HDAC9: variants seen among roughly 807,000 people sequenced by gnomAD.
HDAC9 encodes the protein histone deacetylase 9.
Under a neutral mutation model 139.4 loss-of-function variants are expected in HDAC9, and 41 were observed. That is an observed-to-expected ratio of 0.29 (90% CI 0.23 to 0.38). The LOEUF is 0.38. HDAC9 is among the 10% of genes least tolerant of loss of function. The probability of loss-of-function intolerance (pLI) is 1.00; values close to 1 mark genes in which losing one functional copy is unlikely to be tolerated. For synonymous variants in HDAC9, 517 were observed against 476.2 expected, an observed-to-expected ratio of 1.09 and a Z score of -1.12; for missense variants, 1,147 against 1,297.0, an observed-to-expected ratio of 0.88 and a Z score of 1.78.
chr7:18,897,594 G>A (rs1293993939), intron 22 of HDAC9, among the ~76,000 whole-genome samples: 11 of 151,758 alleles, frequency 7.2e-5, no homozygotes, highest in Admixed American at 7.2e-4. Context: ...ATTCAACCAT[G>A]TTTTACTGGA....
At chr7:18,134,924 A>G (rs537212481) in intron 1 of HDAC9, among the ~76,000 whole-genome samples, 30 of 152,312 alleles carry the variant, frequency 2.0e-4, no homozygotes, top group African/African-American at 7.0e-4. Context: ...GAATCAAACT[A>G]TGATTCTGAC....
intron 12 of HDAC9, among the ~76,000 whole-genome samples, chr7:18,699,898 T>C (rs1383208300): frequency 6.6e-6 from 1 of 152,162 alleles, no homozygotes; most frequent in Non-Finnish European, 1.5e-5. Flanking sequence ...AATATGTATA[T>C]TTTTTAAAAA....
At position 18,690,280 on chromosome 7, in the gene HDAC9, A is replaced by G. The variant is rs117012485; in HGVS notation, c.1731+23804A>G. Among the ~76,000 whole-genome samples, 801 of 152,174 alleles carry G rather than the reference A, an allele frequency of 5.3e-3. 4 individuals carry two copies. The highest frequency in any genetic ancestry group is 8.0e-3 in the Non-Finnish European group (543 of 67,972). On this transcript the variant is annotated intron_variant, in intron 12 of 25. Transcript: ENST00000686413. ...AATACGCCAAGATGCAACGACTGCA[A>G]TTTGCATTTATGAAACTAAAATATT...
chr7:18,936,287 GA>G (rs11451343), intron 23 of HDAC9, among the ~76,000 whole-genome samples: 27,629 of 150,848 alleles, frequency 0.18, 2,732 homozygotes, highest in African/African-American at 0.23. Context: ...TTATTTCTGG[GA>G]AAAAAAAACT....
chr7:18,339,854 A>G (rs900811057), intron 1 of HDAC9, among the ~76,000 whole-genome samples: 6 of 151,542 alleles, frequency 4.0e-5, no homozygotes, highest in Non-Finnish European at 5.9e-5. Context: ...TATGCATTTG[A>G]AAAGAATGTG....
chr7:18,578,267 A>G (rs1826651246), intron 2 of HDAC9: 13 of 518,144 alleles, frequency 2.5e-5, no homozygotes, highest in South Asian at 5.6e-5. Context: ...TTTCCACACA[A>G]TGACATCGAA....
intron 19 of HDAC9, among the ~76,000 whole-genome samples, chr7:18,834,523 T>A (rs558074849): frequency 5.0e-4 from 71 of 143,264 alleles, no homozygotes; most frequent in Non-Finnish European, 8.3e-4. Context: ...AAGTTTTATA[T>A]CAGGCTTTTT....
chr7:18,611,902 T>C (rs2128911554), intron 6 of HDAC9, among the ~76,000 whole-genome samples: 1 of 152,292 alleles, frequency 6.6e-6, no homozygotes, highest in African/African-American at 2.4e-5. Context: ...ATTTTTGTTT[T>C]CTTTCTGCAT....
rs916141195 is a variant in HDAC9, at chr7:19,002,360, C to G, written c.*6298C>G. 6.6e-6 allele frequency: 1 copy of G among 151,890 alleles called. No individual in the cohort carries two copies. Among genetic ancestry groups the G allele is most frequent in the South Asian group, 2.1e-4 (1 of 4,812 alleles). The allele number at this position is 151,890 out of a possible 1,614,324, so 9.4% of individuals were successfully genotyped here. ...AATAACCCCTTTTGTTTTGTGTTTTCTACTGAATTAGATTTTCCTCTAGTC... is the reference window on the plus strand; with the variant it reads ...AATAACCCCTTTTGTTTTGTGTTTTGTACTGAATTAGATTTTCCTCTAGTC... On this transcript the variant is annotated 3_prime_UTR_variant, in exon 26 of 26. Coordinates refer to ENST00000686413, the MANE Select transcript of HDAC9 (RefSeq NM_178425.4).
intron 21 of HDAC9, among the ~76,000 whole-genome samples, chr7:18,868,075 T>G (rs535855675): frequency 6.6e-6 from 1 of 152,342 alleles, no homozygotes; most frequent in South Asian, 2.1e-4. Context: ...TTTATCTGTT[T>G]CGTTAAGAGT....
intron 1 of HDAC9, among the ~76,000 whole-genome samples, chr7:18,347,935 G>A (rs1782552207): frequency 6.6e-6 from 1 of 152,114 alleles, no homozygotes; most frequent in African/African-American, 2.4e-5. Flanking sequence ...TAGATGATAA[G>A]TATTGAGTTT....
intron 22 of HDAC9, among the ~76,000 whole-genome samples, chr7:18,895,604 C>T (rs1801119063): frequency 6.6e-6 from 1 of 152,070 alleles, no homozygotes; most frequent in South Asian, 2.1e-4. Context: ...GGTGAGTGTA[C>T]TCCTCCTTTG....
At chr7:18,440,553 G>T (rs942081708) in intron 1 of HDAC9, among the ~76,000 whole-genome samples, 1 of 151,942 alleles carries the variant, frequency 6.6e-6, no homozygotes, top group African/African-American at 2.4e-5. Context: ...AAGTGAATAA[G>T]GGTTTTTGTA....
intron 2 of HDAC9, among the ~76,000 whole-genome samples, chr7:18,247,042 A>G (rs1348582812): frequency 6.6e-6 from 1 of 152,026 alleles, no homozygotes; most frequent in Non-Finnish European, 1.5e-5. Context: ...TGAGACAGGG[A>G]AGCTATGGCT....
chr7:18,982,690 T>C (rs546317492), intron 25 of HDAC9, among the ~76,000 whole-genome samples: 1 of 152,296 alleles, frequency 6.6e-6, no homozygotes, highest in South Asian at 2.1e-4. Context: ...CCGTCAATTA[T>C]GTTTGCCTGC....
chr7:18,255,546 G>A (rs958789582), intron 2 of HDAC9, among the ~76,000 whole-genome samples: 1 of 151,718 alleles, frequency 6.6e-6, no homozygotes. Context: ...TGGCCAGACT[G>A]TGGATAACCT....
intron 16 of HDAC9, among the ~76,000 whole-genome samples, chr7:18,789,940 T>C (rs751851385): frequency 5.3e-5 from 8 of 152,094 alleles, no homozygotes; most frequent in Non-Finnish European, 1.2e-4. Flanking sequence ...GGGAAATTGG[T>C]TGGAGAGATT....
chr7:18,976,465 T>A (rs1784558045), intron 25 of HDAC9, among the ~76,000 whole-genome samples: 2 of 152,142 alleles, frequency 1.3e-5, no homozygotes, highest in Admixed American at 1.3e-4. Flanking sequence ...AAGGGGGAAG[T>A]TGCCTGCAAA....
At chr7:18,394,471 T>C (rs190829133) in intron 1 of HDAC9, among the ~76,000 whole-genome samples, 1 of 152,228 alleles carries the variant, frequency 6.6e-6, no homozygotes, top group Admixed American at 6.5e-5. Flanking sequence ...TGCTTCTGAA[T>C]TTTGACTCTT....
Sources: allele counts gnomAD v4.1 joint callset (sites outside exome capture counted in the v4.1 genomes callset), GRCh38; gene constraint gnomAD v4.1.1; transcripts MANE v1.5; gene names NCBI Gene and HGNC (gene_info 2026-07-23, HGNC 2026-07-21).